The following LARP4B variants were observed in gnomAD, a reference collection of about 807,000 sequenced individuals.
LARP4B encodes the protein La ribonucleoprotein 4B, also known as la-related protein 4B.
Under a neutral mutation model 89.8 loss-of-function variants are expected in LARP4B, and 12 were observed. The observed-to-expected ratio is 0.13, with a 90% confidence interval of 0.09 to 0.22. The LOEUF is 0.22. Ranked by LOEUF, LARP4B falls within the 10% of genes least tolerant of loss-of-function variation. LARP4B has a pLI of 1.00. For missense variants in LARP4B, 757 were observed against 947.7 expected (o/e 0.80, Z 2.64); for synonymous variants, 367 against 363.3 (o/e 1.01, Z -0.12).
chr10:937,886 A>T, the LARP4B span, among the ~76,000 whole-genome samples: 16 of 151,842 alleles, frequency 1.1e-4, no homozygotes, highest in African/African-American at 7.2e-5. Context: ...ATTTATTTTT[A>T]TTTATTTATT....
At chr10:973,669 C>T in the LARP4B span, among the ~76,000 whole-genome samples, 1 of 152,114 alleles carries the variant, frequency 6.6e-6, no homozygotes, top group Non-Finnish European at 1.5e-5. Flanking sequence ...TTTTAACATA[C>T]TTCCCTGTGC....
intron 1 of LARP4B, among the ~76,000 whole-genome samples, chr10:902,212 T>C (rs553638063): frequency 2.6e-5 from 4 of 152,194 alleles, no homozygotes; most frequent in Admixed American, 6.5e-5. Flanking sequence ...TTTTACTCAT[T>C]AAACCTTTGA....
the LARP4B span, among the ~76,000 whole-genome samples, chr10:939,381 G>A: frequency 6.6e-6 from 1 of 152,222 alleles, no homozygotes; most frequent in African/African-American, 2.4e-5. Context: ...GGGGAGATGA[G>A]AAACTCTGCT....
rs1303073825 is a variant in LARP4B, at chr10:931,474, G to A, written c.-86C>T. 6 of 147,324 alleles carry A rather than the reference G, an allele frequency of 4.1e-5. No homozygotes were observed. The highest frequency in any genetic ancestry group is 9.1e-5 in the Non-Finnish European group (6 of 66,172). 9.1% of individuals were successfully genotyped at this position (147,324 alleles called of 1,614,324 possible). A position where few individuals can be genotyped will look rare whatever the true frequency, so the allele number is the denominator to read the frequency against. Reference sequence around the variant, plus strand: ...CCGACCGGCCGCCCGCGGGCTCCTCGCCTCAACCCCGGGGCCCGGCGGCCG... The same window carrying A: ...CCGACCGGCCGCCCGCGGGCTCCTCACCTCAACCCCGGGGCCCGGCGGCCG... On this transcript the variant is annotated 5_prime_UTR_variant, in exon 1 of 18. Coordinates refer to ENST00000316157, the MANE Select transcript of LARP4B (RefSeq NM_015155.3).
the LARP4B span, among the ~76,000 whole-genome samples, chr10:941,469 A>G: frequency 6.6e-6 from 1 of 151,864 alleles, no homozygotes; most frequent in Non-Finnish European, 1.5e-5. Context: ...GCCTGCCACC[A>G]TGCCTGGCTA....
intron 5 of LARP4B, among the ~76,000 whole-genome samples, chr10:859,276 C>CAAAA (rs56896752): frequency 3.5e-5 from 5 of 141,470 alleles, no homozygotes; most frequent in African/African-American, 1.3e-4. Context: ...TATTCCATTT[C>CAAAA]AAAAAAAAAA....
intron 13 of LARP4B, among the ~76,000 whole-genome samples, chr10:821,194 C>T (rs894260521): frequency 8.5e-5 from 13 of 152,208 alleles, no homozygotes; most frequent in Non-Finnish European, 2.9e-5. Context: ...TGAGACTGAG[C>T]TCCATCAATG....
intron 9 of LARP4B, among the ~76,000 whole-genome samples, chr10:830,528 G>A (rs1162888143): frequency 6.6e-6 from 1 of 152,178 alleles, no homozygotes; most frequent in Non-Finnish European, 1.5e-5. Flanking sequence ...AAAATACAAT[G>A]AAGTCTGCTG....
chr10:815,257 T>G (rs374113941), intron 15 of LARP4B, 187 bp from the exon 16 acceptor site: 183 of 478,316 alleles, frequency 3.8e-4, no homozygotes, highest in African/African-American at 3.4e-3. Context: ...TCGCCCACCC[T>G]TCTCTTTCTC....
the LARP4B span, among the ~76,000 whole-genome samples, chr10:974,325 G>A: frequency 1.3e-5 from 2 of 152,050 alleles, no homozygotes; most frequent in Admixed American, 6.6e-5. Flanking sequence ...TGTTCCCTGG[G>A]GAGTTTGCCT....
At chr10:834,858 T>A (rs1833109581) in intron 8 of LARP4B, among the ~76,000 whole-genome samples, 1 of 152,092 alleles carries the variant, frequency 6.6e-6, no homozygotes, top group Non-Finnish European at 1.5e-5. Context: ...ATAAGAAATA[T>A]GCTGGTCCTC....
At chr10:882,379 A>C (rs1438910226) in intron 3 of LARP4B, among the ~76,000 whole-genome samples, 1 of 151,994 alleles carries the variant, frequency 6.6e-6, no homozygotes, top group African/African-American at 2.4e-5. Flanking sequence ...CTCATACTAA[A>C]TAGGGAAACC....
At chr10:824,533 T>C (rs1179811462) in intron 13 of LARP4B, among the ~76,000 whole-genome samples, 1 of 152,098 alleles carries the variant, frequency 6.6e-6, no homozygotes, top group Non-Finnish European at 1.5e-5. Context: ...AAAAACCTAC[T>C]ACAGGATTGA....
At chr10:934,838 G>T (rs1378148350), upstream of LARP4B, among the ~76,000 whole-genome samples, 2 of 152,112 alleles carry the variant, frequency 1.3e-5, no homozygotes, top group African/African-American at 4.8e-5. Flanking sequence ...CCCCCCAGTG[G>T]TTTTGCCGTT....
chr10:970,321 C>T, the LARP4B span, among the ~76,000 whole-genome samples: 2 of 152,146 alleles, frequency 1.3e-5, no homozygotes, highest in African/African-American at 2.4e-5. Flanking sequence ...TTTTGGAAGC[C>T]GGAGCTCCTG....
intron 1 of LARP4B, among the ~76,000 whole-genome samples, chr10:902,322 T>C (rs988418324): frequency 1.3e-5 from 2 of 152,238 alleles, no homozygotes; most frequent in Non-Finnish European, 2.9e-5. Context: ...AGCCCTAAGC[T>C]GCAGCAGTGC....
chr10:878,674 G>A (rs566559557), intron 3 of LARP4B, among the ~76,000 whole-genome samples: 3 of 152,228 alleles, frequency 2.0e-5, no homozygotes, highest in South Asian at 2.1e-4. Context: ...TAAGGACACC[G>A]GGGCCTAGGA....
At chr10:878,433 G>A (rs985867581) in intron 3 of LARP4B, among the ~76,000 whole-genome samples, 3 of 151,858 alleles carry the variant, frequency 2.0e-5, no homozygotes, top group Non-Finnish European at 2.9e-5. Flanking sequence ...ACACCCCTGC[G>A]TGACTCATGT....
rs2131580313 is a variant in LARP4B at position 810,080 on chromosome 10, A to T, written c.*2846T>A. On this transcript the variant is annotated 3_prime_UTR_variant, in exon 18 of 18. Coordinates refer to ENST00000316157, the MANE Select transcript of LARP4B (RefSeq NM_015155.3). ...CTTCTATTTCAAAATGATAAGCATC[A>T]TCACACGATTTTACAAGTTAAAATG... 1 of 152,296 alleles carries T rather than the reference A, an allele frequency of 6.6e-6. No individual in the cohort carries two copies. The highest frequency in any genetic ancestry group is 1.5e-5 in the Non-Finnish European group (1 of 68,030). 9.4% of individuals were successfully genotyped at this position (152,296 alleles called of 1,614,324 possible). A position where few individuals can be genotyped will look rare whatever the true frequency, so the allele number is the denominator to read the frequency against.
Sources: gnomAD v4.1 joint callset for allele counts (sites outside exome capture counted in the v4.1 genomes callset) on GRCh38, gnomAD v4.1.1 for gene constraint, MANE v1.5 for transcripts, NCBI Gene and HGNC (gene_info 2026-07-23, HGNC 2026-07-21) for gene names.